Variants in SLC39A8 observed in about 807,000 individuals in gnomAD.
SLC39A8 encodes the protein metal cation symporter ZIP8.
In SLC39A8, 15 loss-of-function variants were observed where a neutral mutation model predicts 40.4. That is an observed-to-expected ratio of 0.37 (90% CI 0.25 to 0.57). The LOEUF (loss-of-function observed/expected upper bound fraction) is 0.57. Ranked by LOEUF, SLC39A8 falls within the 20% of genes least tolerant of loss-of-function variation. The pLI is 0.75. For missense variants in SLC39A8, 472 were observed against 558.8 expected (o/e 0.84, Z 1.57); for synonymous variants, 223 against 221.6 (o/e 1.01, Z -0.06).
At position 102,307,609 on chromosome 4, in the gene SLC39A8, T is replaced by G; in HGVS notation, c.383-4A>C. The G allele has an allele frequency of 1.9e-6, 3 of 1,611,718 alleles. No homozygotes were observed. Among genetic ancestry groups the G allele is most frequent in the Non-Finnish European group, 2.5e-6 (3 of 1,178,814 alleles). ...GACAGGAATCCATATCCCCAAACTG[T>G]GGGTCAGAGGGAAAAGAGAGTAGAA... On this transcript the variant is annotated splice_region_variant and splice_polypyrimidine_tract_variant and intron_variant, in intron 3 of 8. Transcript: ENST00000356736.
At chr4:102,329,606 G>C (rs1432860804) in intron 2 of SLC39A8, among the ~76,000 whole-genome samples, 4 of 139,794 alleles carry the variant, frequency 2.9e-5, no homozygotes, top group Non-Finnish European at 6.1e-5. Context: ...CTGGGGGAGA[G>C]AGCAAGAATC....
At chr4:102,294,315 ATAGCAAGAATCCTGCCAAGTCAGTT>A (rs1203620211) in intron 6 of SLC39A8, among the ~76,000 whole-genome samples, 2 of 152,090 alleles carry the variant, frequency 1.3e-5, no homozygotes, top group Non-Finnish European at 2.9e-5. Flanking sequence ...GAATTCAGTC[ATAGCAAGAATCCTGCCAAGTCAGTT>A]TAGCAAGAAT....
At position 102,267,937 on chromosome 4, in the gene SLC39A8, A is replaced by T. The variant is rs1732177270; in HGVS notation, c.983T>A (p.Leu328Ter). The T allele has an allele frequency of 6.2e-7, 1 of 1,614,208 alleles. No individual in the cohort carries two copies. Among genetic ancestry groups the T allele is most frequent in the Non-Finnish European group, 8.5e-7 (1 of 1,180,032 alleles). Residue 328 changes from leucine (L) to a stop codon, truncating the protein, a stop_gained, in exon 7 of 9, where the codon TTG (leucine) becomes TAG (stop). Transcript: ENST00000356736. LOFTEE classifies it high-confidence loss of function. Reference protein sequence around the residue: ...DGLAIGASCTLSLLQGLSTSI... With the variant: ...DGLAIGASCT ...AGTACTGAGTCCCTGAAGGAGAGACAAGGTGCAGGAAGCCCCAATCGCCAG... is the reference window on the plus strand; with the variant it reads ...AGTACTGAGTCCCTGAAGGAGAGACTAGGTGCAGGAAGCCCCAATCGCCAG...
intron 8 of SLC39A8, among the ~76,000 whole-genome samples, 155 bp from the exon 9 acceptor site, chr4:102,263,348 G>T (rs993502492): frequency 2.6e-5 from 4 of 152,072 alleles, no homozygotes; most frequent in African/African-American, 9.7e-5. Flanking sequence ...TGAATTCCCA[G>T]GTTTCCCAGT....
chr4:102,258,136 G>C (rs1170677035), downstream of SLC39A8, among the ~76,000 whole-genome samples: 2 of 139,048 alleles, frequency 1.4e-5, no homozygotes, highest in African/African-American at 3.2e-5. Context: ...ACGGAGTCTT[G>C]CTTTGTCACC....
At chr4:102,268,744 A>T (rs1732219122) in intron 6 of SLC39A8, among the ~76,000 whole-genome samples, 1 of 152,246 alleles carries the variant, frequency 6.6e-6, no homozygotes, top group African/African-American at 2.4e-5. Flanking sequence ...ATGAAGTGTA[A>T]ATGGAACAGG....
intron 3 of SLC39A8, among the ~76,000 whole-genome samples, chr4:102,315,012 C>T (rs563815339): frequency 3.3e-5 from 5 of 152,244 alleles, no homozygotes; most frequent in African/African-American, 1.2e-4. Flanking sequence ...TTCAAACAGA[C>T]TCCCTGAACA....
intron 2 of SLC39A8, among the ~76,000 whole-genome samples, chr4:102,337,877 A>G (rs1735745645): frequency 6.6e-6 from 1 of 152,204 alleles, no homozygotes; most frequent in Non-Finnish European, 1.5e-5. Flanking sequence ...ACAATAAAAG[A>G]AAATTTCATC....
intron 6 of SLC39A8, among the ~76,000 whole-genome samples, chr4:102,281,238 G>A (rs1218897896): frequency 6.6e-6 from 1 of 152,154 alleles, no homozygotes; most frequent in East Asian, 1.9e-4. Flanking sequence ...ATGTAAGTTG[G>A]AGAAATCAGT....
At chr4:102,251,959 A>C (rs936152470) in exon 12 of SLC39A8, 4 of 152,258 alleles carry the variant, frequency 2.6e-5, no homozygotes, top group Admixed American at 2.6e-4. Context: ...CCAGAGCAGC[A>C]CATTTTGATG....
At chr4:102,335,556 T>C (rs1245002226) in intron 2 of SLC39A8, among the ~76,000 whole-genome samples, 1 of 152,182 alleles carries the variant, frequency 6.6e-6, no homozygotes, top group Non-Finnish European at 1.5e-5. Flanking sequence ...TTTCTGGAAG[T>C]ATTATATGGT....
At chr4:102,304,806 C>A (rs1194154405) in intron 5 of SLC39A8, among the ~76,000 whole-genome samples, 183 bp downstream of exon 5, 1 of 151,004 alleles carries the variant, frequency 6.6e-6, no homozygotes, top group Non-Finnish European at 1.5e-5. Context: ...CCAAATTTTA[C>A]AACATGAATC....
intron 2 of SLC39A8, 62 bp from the exon 3 acceptor site, chr4:102,315,892 T>C: frequency 3.6e-6 from 5 of 1,407,806 alleles, no homozygotes; most frequent in Non-Finnish European, 4.8e-6. Flanking sequence ...TAAGCAAAGA[T>C]GCTATAAAGA....
At chr4:102,334,016 C>G (rs933557382) in intron 2 of SLC39A8, among the ~76,000 whole-genome samples, 1 of 152,062 alleles carries the variant, frequency 6.6e-6, no homozygotes, top group Non-Finnish European at 1.5e-5. Context: ...TGAGAAGCAC[C>G]CACTGAACCT....
In SLC39A8 at chr4:102,267,680, A is replaced by G. The variant is rs564933387; in HGVS notation, c.1049-6T>C. 4.6e-5 allele frequency: 71 copies of G among 1,554,544 alleles called. No individual in the cohort carries two copies. In the African/African-American group the frequency reaches 8.2e-4, roughly 18 times the overall value. On this transcript the variant is annotated splice_polypyrimidine_tract_variant and splice_region_variant and intron_variant, in intron 7 of 8. Coordinates refer to ENST00000356736, the MANE Select transcript of SLC39A8 (RefSeq NM_001135146.2). ...GAGTAGGATCACAAAGTCTCCTAGA[A>G]GAAGAAGAAGAAAATATCAAGTGAA...
At chr4:102,334,228 T>C (rs1735579939) in intron 2 of SLC39A8, among the ~76,000 whole-genome samples, 1 of 152,196 alleles carries the variant, frequency 6.6e-6, no homozygotes, top group East Asian at 1.9e-4. Flanking sequence ...CACCGTGGCC[T>C]TGCTAATACA....
At chr4:102,335,767 G>C (rs1310069474) in intron 2 of SLC39A8, among the ~76,000 whole-genome samples, 1 of 152,292 alleles carries the variant, frequency 6.6e-6, no homozygotes, top group East Asian at 1.9e-4. Context: ...TTTGGAGAAA[G>C]GGAAGTGGAG....
At chr4:102,334,663 G>A (rs574108782) in intron 2 of SLC39A8, among the ~76,000 whole-genome samples, 1 of 152,170 alleles carries the variant, frequency 6.6e-6, no homozygotes, top group East Asian at 1.9e-4. Flanking sequence ...TTGACATTCA[G>A]GCACTTGGAT....
At chr4:102,319,773 T>A (rs550686176) in intron 2 of SLC39A8, among the ~76,000 whole-genome samples, 83 of 152,170 alleles carry the variant, frequency 5.5e-4, no homozygotes, top group African/African-American at 1.7e-3. Context: ...CTTCCCAAAT[T>A]AAACATTATT....
Sources: allele counts gnomAD v4.1 joint callset (sites outside exome capture counted in the v4.1 genomes callset), GRCh38; gene constraint gnomAD v4.1.1; transcripts MANE v1.5; gene names NCBI Gene and HGNC (gene_info 2026-07-23, HGNC 2026-07-21).